The following UBAC1 variants were observed in gnomAD, a reference collection of about 807,000 sequenced individuals.
UBAC1 encodes the protein ubiquitin-associated domain-containing protein 1.
A neutral mutation model predicts 45.9 loss-of-function variants in UBAC1; 27 were observed. The ratio of observed to expected loss-of-function variants is 0.59; its 90% CI spans 0.43 to 0.81. UBAC1 has a LOEUF of 0.81. UBAC1 is among the 30% of genes least tolerant of loss of function. UBAC1 has a pLI of 0.00. For synonymous variants in UBAC1, 227 were observed against 215.5 expected (o/e 1.05, Z -0.47); for missense variants, 529 against 539.2 (o/e 0.98, Z 0.19).
chr9:135,935,294 A>C (rs4301514), intron 9 of UBAC1, among the ~76,000 whole-genome samples: 147,631 of 152,314 alleles, frequency 0.97, 71,714 homozygotes, highest in East Asian at 1. Context: ...TCAACAAAGG[A>C]AGATGTGCCT....
In UBAC1 at chr9:135,955,209, T is replaced by C. The variant is rs1831498349; in HGVS notation, c.259+86A>G. On this transcript the variant is annotated intron_variant, in intron 2 of 9. Coordinates refer to ENST00000371756, the MANE Select transcript of UBAC1 (RefSeq NM_016172.3). ...GTGTCCAGCTCAGAACACTGACTCC[T>C]GTGGGTGGACCACCCCCTCCTGGCT... 2.2e-6 allele frequency: 3 copies of C among 1,372,122 alleles called. No individual in the cohort carries two copies. In the Admixed American group the frequency reaches 8.2e-5, roughly 38 times the overall value. The allele number at this position is 1,372,122 out of a possible 1,614,324, so 85.0% of individuals were successfully genotyped here.
Position 135,946,462 on chromosome 9 carries a change from T to C in UBAC1, c.442-91A>G. On this transcript the variant is annotated intron_variant, in intron 4 of 9. Coordinates refer to ENST00000371756, the MANE Select transcript of UBAC1 (RefSeq NM_016172.3). ...GCTCCCCTGTCCTAGAACTCTTGATTCTGAGAGTTGAGATGACATTGCTTT... is the reference window on the plus strand; with the variant it reads ...GCTCCCCTGTCCTAGAACTCTTGATCCTGAGAGTTGAGATGACATTGCTTT... 2.4e-6 allele frequency: 2 copies of C among 821,106 alleles called. 1 individual carries two copies. Among genetic ancestry groups the C allele is most frequent in the East Asian group, 4.9e-5 (2 of 40,616 alleles). 50.9% of individuals were successfully genotyped at this position (821,106 alleles called of 1,614,324 possible). A position where few individuals can be genotyped will look rare whatever the true frequency, so the allele number is the denominator to read the frequency against.
At chr9:135,946,225 GGCAGTGAACC>G in intron 5 of UBAC1, 34 bp downstream of exon 5, 4 of 1,399,038 alleles carry the variant, frequency 2.9e-6, no homozygotes, top group Non-Finnish European at 4.1e-6. Context: ...CCCCAAGGCC[GGCAGTGAACC>G]GCCCTGGAAT....
At chr9:135,954,414 A>T (rs1391779922) in intron 2 of UBAC1, among the ~76,000 whole-genome samples, 1 of 152,356 alleles carries the variant, frequency 6.6e-6, no homozygotes, top group East Asian at 1.9e-4. Flanking sequence ...TCTGCACTCC[A>T]GCCTGGGTGA....
At chr9:135,936,682 AC>A (rs1839206017) in intron 9 of UBAC1, among the ~76,000 whole-genome samples, 1 of 152,110 alleles carries the variant, frequency 6.6e-6, no homozygotes, top group Non-Finnish European at 1.5e-5. Flanking sequence ...TTTAGTAAAG[AC>A]AGCGTTTCAC....
chr9:135,935,808 C>A (rs569101222), intron 9 of UBAC1, among the ~76,000 whole-genome samples: 56 of 152,102 alleles, frequency 3.7e-4, no homozygotes, highest in Non-Finnish European at 6.6e-4. Flanking sequence ...GGGCGGATCA[C>A]GAGGTCAGGA....
chr9:135,950,424 A>G (rs1180447366), intron 3 of UBAC1, among the ~76,000 whole-genome samples: 1 of 152,236 alleles, frequency 6.6e-6, no homozygotes, highest in Non-Finnish European at 1.5e-5. Flanking sequence ...GTGACCTAAC[A>G]TCTGTGACCA....
chr9:135,939,432 G>A (rs984060961), intron 8 of UBAC1, among the ~76,000 whole-genome samples: 6 of 151,822 alleles, frequency 4.0e-5, no homozygotes, highest in Non-Finnish European at 5.9e-5. Context: ...CCCAGCACTC[G>A]CCCAGCCTGA....
intron 7 of UBAC1, 58 bp downstream of exon 7, chr9:135,944,970 C>A: frequency 6.6e-7 from 1 of 1,515,784 alleles, no homozygotes; most frequent in Non-Finnish European, 9.0e-7. Flanking sequence ...CTTTCCATGG[C>A]GCCACCTCAA....
chr9:135,945,210 C>T lies in UBAC1; in HGVS notation c.694G>A (p.Ala232Thr), dbSNP rs772852686. ...PQAMEWLIEH[A>T]EDPTIDTPLP... is the part of the protein sequence containing the mutation. Reference sequence around the variant, plus strand: ...GGCGTGTCTATGGTCGGGTCTTCTGCGTGTTCAATTAGCCACTCCATGGCC... The same window carrying T: ...GGCGTGTCTATGGTCGGGTCTTCTGTGTGTTCAATTAGCCACTCCATGGCC... Residue 232 changes from alanine (A) to threonine (T), a missense_variant, in exon 7 of 10, where the codon GCA becomes ACA. Physicochemically the swap from Ala to Thr is moderately conservative, Grantham distance 58 (BLOSUM62 0). Coordinates refer to ENST00000371756, the MANE Select transcript of UBAC1 (RefSeq NM_016172.3). 9.3e-6 allele frequency: 15 copies of T among 1,607,688 alleles called. No homozygotes were observed. Among genetic ancestry groups the T allele is most frequent in the Middle Eastern group, 1.8e-4 (1 of 5,626 alleles).
intron 3 of UBAC1, 43 bp from the exon 4 acceptor site, chr9:135,947,948 G>T: frequency 6.4e-7 from 1 of 1,563,160 alleles, no homozygotes. Context: ...GAACGTAAGA[G>T]CAGCAAAAAG....
chr9:135,944,947 C>G (rs1839309053), intron 7 of UBAC1, 81 bp downstream of exon 7: 1 of 1,400,394 alleles, frequency 7.1e-7, no homozygotes, highest in South Asian at 1.3e-5. Context: ...GTCAGCCATG[C>G]AGCCCCAGCT....
intron 3 of UBAC1, 36 bp from the exon 4 acceptor site, chr9:135,947,941 C>G: frequency 6.3e-7 from 1 of 1,583,848 alleles, no homozygotes. Context: ...CTGAGGTGAA[C>G]GTAAGAGCAG....
chr9:135,938,416 C>A, intron 8 of UBAC1, 56 bp from the exon 9 acceptor site: 2 of 1,582,690 alleles, frequency 1.3e-6, no homozygotes, highest in Non-Finnish European at 1.7e-6. Context: ...CTCCGCAAGA[C>A]GCCACCAGCA....
At chr9:135,938,508 G>T in intron 8 of UBAC1, 148 bp from the exon 9 acceptor site, 1 of 1,025,718 alleles carries the variant, frequency 9.7e-7, no homozygotes, top group Non-Finnish European at 1.4e-6. Context: ...ACTCTACCGT[G>T]AAGACAAACG....
At position 135,946,250 on chromosome 9, in the gene UBAC1, C is replaced by T. The variant is rs1449044316; in HGVS notation, c.544+19G>A. On this transcript the variant is annotated intron_variant, in intron 5 of 9. Coordinates refer to ENST00000371756, the MANE Select transcript of UBAC1 (RefSeq NM_016172.3). The stretch of plus-strand genomic sequence containing the variant: ...GGCAGTGAACCGCCCTGGAATGCAG[C>T]ATCGGGGTTGACTCATACCATTCGC... 1 of 1,556,038 alleles carries T rather than the reference C, an allele frequency of 6.4e-7. No homozygotes were observed. The highest frequency in any genetic ancestry group is 1.4e-5 in the African/African-American group (1 of 73,878).
At chr9:135,945,430 A>G in intron 6 of UBAC1, 180 bp from the exon 7 acceptor site, 1 of 573,880 alleles carries the variant, frequency 1.7e-6, no homozygotes, top group Non-Finnish European at 3.0e-6. Context: ...CTTGCCTCAG[A>G]CTACCTTGAG....
intron 1 of UBAC1, among the ~76,000 whole-genome samples, chr9:135,957,656 G>A (rs1839483147): frequency 6.6e-6 from 1 of 151,614 alleles, no homozygotes; most frequent in Non-Finnish European, 1.5e-5. Flanking sequence ...GTTTCTGCTT[G>A]TACCTGATGC....
chr9:135,940,406 C>G (rs181060548), intron 7 of UBAC1, among the ~76,000 whole-genome samples: 3,593 of 151,810 alleles, frequency 0.024, 54 homozygotes, highest in African/African-American at 0.024. Context: ...GGTGAAACCC[C>G]GTCTCTACTA....
Sources: gnomAD v4.1 joint callset for allele counts (sites outside exome capture counted in the v4.1 genomes callset) on GRCh38, gnomAD v4.1.1 for gene constraint, MANE v1.5 for transcripts, NCBI Gene and HGNC (gene_info 2026-07-23, HGNC 2026-07-21) for gene names.